Variants in DZIP1 observed in about 807,000 individuals in gnomAD.
The protein encoded by DZIP1 is DAZ interacting zinc finger protein 1, also known as cilium assembly protein DZIP1.
In DZIP1, 97 loss-of-function variants were observed where a neutral mutation model predicts 107.6. The observed-to-expected ratio is 0.90, with a 90% CI of 0.77 to 1.07. DZIP1 has a LOEUF of 1.07. Ranked by LOEUF, DZIP1 falls within the 50% of genes least tolerant of loss-of-function variation. DZIP1 has a pLI of 0.00. For synonymous variants in DZIP1, 390 were observed against 386.4 expected (o/e 1.01, Z -0.11); for missense variants, 1,035 against 1,063.6 (o/e 0.97, Z 0.37).
At chr13:95,611,619 A>T in intron 11 of DZIP1, 126 bp from the exon 12 acceptor site, 1 of 775,006 alleles carries the variant, frequency 1.3e-6, no homozygotes, top group Non-Finnish European at 2.1e-6. Context: ...GACATAGGGC[A>T]TGTGGTCTTT....
chr13:95,585,255 C>G (rs2044130491), intron 21 of DZIP1, among the ~76,000 whole-genome samples: 1 of 152,178 alleles, frequency 6.6e-6, no homozygotes, highest in Admixed American at 6.5e-5. Flanking sequence ...TTGCTTCTTA[C>G]CTCTGTGATA....
intron 10 of DZIP1, among the ~76,000 whole-genome samples, chr13:95,616,830 T>A (rs564643756): frequency 6.6e-6 from 1 of 152,020 alleles, no homozygotes; most frequent in East Asian, 1.9e-4. Flanking sequence ...GGAGACGCAA[T>A]AGCAGTCCCA....
intron 10 of DZIP1, among the ~76,000 whole-genome samples, chr13:95,615,970 A>T (rs1031219243): frequency 1.3e-5 from 2 of 152,252 alleles, no homozygotes; most frequent in African/African-American, 4.8e-5. Context: ...TTTCAAAAAA[A>T]ACACCCTGAT....
intron 16 of DZIP1, 65 bp from the exon 17 acceptor site, chr13:95,590,506 A>G: frequency 6.7e-7 from 1 of 1,481,734 alleles, no homozygotes; most frequent in Non-Finnish European, 9.1e-7. Flanking sequence ...GGCATATATC[A>G]GCATTAACTG....
At chr13:95,638,150 C>T (rs529401625) in intron 5 of DZIP1, among the ~76,000 whole-genome samples, 9 of 136,980 alleles carry the variant, frequency 6.6e-5, no homozygotes, top group Non-Finnish European at 9.1e-5. Context: ...AGAGCAATGG[C>T]GTGATCCCAG....
intron 15 of DZIP1, 75 bp downstream of exon 15, chr13:95,599,290 C>T (rs2044545741): frequency 2.3e-6 from 3 of 1,308,308 alleles, no homozygotes; most frequent in Non-Finnish European, 3.3e-6. Context: ...AAACCACTGG[C>T]TCATATTTTC....
intron 10 of DZIP1, among the ~76,000 whole-genome samples, chr13:95,617,133 C>T (rs1226694328): frequency 2.6e-5 from 4 of 151,786 alleles, no homozygotes; most frequent in Non-Finnish European, 5.9e-5. Context: ...ACCCAGGAAG[C>T]GGAGGTTGCA....
chr13:95,597,801 C>T (rs1275350783), intron 15 of DZIP1, among the ~76,000 whole-genome samples: 1 of 152,168 alleles, frequency 6.6e-6, no homozygotes, highest in African/African-American at 2.4e-5. Flanking sequence ...GACTTTATCA[C>T]CTAGTGATAG....
rs1441141848 is a variant in DZIP1 at position 95,583,192 on chromosome 13, T to G, written c.2525-879A>C. Among the ~76,000 whole-genome samples the G allele has an allele frequency of 2.0e-5, 3 of 150,782 alleles. No individual in the cohort carries two copies. The East Asian group carries it at 5.8e-4, about 29-fold the overall frequency. On this transcript the variant is annotated intron_variant, in intron 22 of 22. Coordinates refer to ENST00000376829, the MANE Select transcript of DZIP1 (RefSeq NM_198968.4). ...CTGTAATCCCAACAGTTTGGGAGGCTGGGGTGGGAGGATCATTTGAGCCCA... is the reference window on the plus strand; with the variant it reads ...CTGTAATCCCAACAGTTTGGGAGGCGGGGGTGGGAGGATCATTTGAGCCCA...
At chr13:95,608,113 C>T (rs1373923327) in intron 13 of DZIP1, among the ~76,000 whole-genome samples, 1 of 152,120 alleles carries the variant, frequency 6.6e-6, no homozygotes, top group African/African-American at 2.4e-5. Flanking sequence ...TGGGACAAGC[C>T]AGGGCCTCAC....
At chr13:95,630,700 G>A (rs1466808598) in intron 6 of DZIP1, 3 of 1,244,694 alleles carry the variant, frequency 2.4e-6, no homozygotes, top group African/African-American at 1.6e-5. Flanking sequence ...GAATACTTAT[G>A]TACATGTACT....
intron 10 of DZIP1, among the ~76,000 whole-genome samples, chr13:95,614,649 C>T (rs1222064675): frequency 6.6e-6 from 1 of 152,006 alleles, no homozygotes; most frequent in Non-Finnish European, 1.5e-5. Context: ...GCTCATGAGC[C>T]CATTTTCTGT....
At position 95,606,016 on chromosome 13, in the gene DZIP1, C is replaced by A. The variant is rs1389348564; in HGVS notation, c.1464G>T (p.Leu488=). ...ACTGAAACTTACCATGCACCATTGG[C>A]AGACTTGATTTAGTTTCCAAAGTGT... ...ALHTLETKSS[L]PMVHEQAFSS... is the part of the protein sequence containing the mutation. The change falls in exon 14 of 23, where the codon CTG becomes CTT. Residue 488 remains leucine (L), a synonymous_variant. Coordinates refer to ENST00000376829, the MANE Select transcript of DZIP1 (RefSeq NM_198968.4). The A allele has an allele frequency of 6.2e-7, 1 of 1,613,846 alleles. No homozygotes were observed. The highest frequency in any genetic ancestry group is 8.5e-7 in the Non-Finnish European group (1 of 1,179,914).
At chr13:95,624,337 G>A (rs1876271166) in intron 8 of DZIP1, among the ~76,000 whole-genome samples, 1 of 152,176 alleles carries the variant, frequency 6.6e-6, no homozygotes, top group Non-Finnish European at 1.5e-5. Flanking sequence ...GGCTCACTTA[G>A]CCATAACTTG....
At chr13:95,613,811 T>A (rs1434693613) in intron 10 of DZIP1, among the ~76,000 whole-genome samples, 4 of 152,150 alleles carry the variant, frequency 2.6e-5, no homozygotes, top group Non-Finnish European at 5.9e-5. Flanking sequence ...TGGCTCTAAT[T>A]GAGACAGCCG....
intron 14 of DZIP1, 23 bp from the exon 15 acceptor site, chr13:95,599,447 A>G: frequency 1.3e-6 from 2 of 1,580,250 alleles, no homozygotes; most frequent in Non-Finnish European, 1.7e-6. Context: ...AAAAATAAGA[A>G]CAGTACAAAC....
In DZIP1 at chr13:95,641,387, C is replaced by T. The variant is rs1878469020; in HGVS notation, c.505G>A (p.Glu169Lys). 2 of 1,613,952 alleles carry T rather than the reference C, an allele frequency of 1.2e-6. No homozygotes were observed. Among genetic ancestry groups the T allele is most frequent in the African/African-American group, 1.3e-5 (1 of 74,924 alleles). The change falls in exon 5 of 23, where the codon GAG (glutamate) becomes AAG (lysine). Residue 169 changes from glutamate (E) to lysine (K), a missense_variant. Glu to Lys is a moderately conservative substitution (Grantham distance 56). Transcript: ENST00000376829. The surrounding 1 kb of genome is among the most constrained non-coding windows in gnomAD (Gnocchi z 4.3). ...SKKLLTKQAG[E>K]IKTLKEECKR... ...CACTCTTCCTTGAGCGTCTTGATCT[C>T]CCCCGCCTGCTTGGTGAGCAGCTTC... is the stretch of plus-strand genomic sequence containing the variant.
intron 8 of DZIP1, among the ~76,000 whole-genome samples, chr13:95,623,664 G>A (rs926250693): frequency 1.1e-4 from 16 of 152,120 alleles, no homozygotes; most frequent in Non-Finnish European, 2.4e-4. Context: ...AAACTGGCTG[G>A]GCACAGTGGC....
In DZIP1 at chr13:95,641,433, G is replaced by A; in HGVS notation, c.459C>T (p.His153=). Residue 153 remains histidine (H), a synonymous_variant, in exon 5 of 23, where the codon CAC becomes CAT. Transcript: ENST00000376829. This position sits in a 1 kb window ranked among gnomAD's most constrained non-coding sequence, Gnocchi z 4.3. ...GCTTCTTGCTCTGCTCGCCGTCGCA[G>A]TGGCTCAGGCGCAGCCGCTCCTCCA... ...HTLEERLRLS[H]CDGEQSKKLL... 1.9e-6 allele frequency: 3 copies of A among 1,614,192 alleles called. No individual in the cohort carries two copies. In the South Asian group the frequency reaches 3.3e-5, roughly 18 times the overall value.
Sources: gnomAD v4.1 joint callset for allele counts (sites outside exome capture counted in the v4.1 genomes callset) on GRCh38, gnomAD v4.1.1 for gene constraint, Gnocchi (gnomAD v3.1) non-coding constraint, MANE v1.5 for transcripts, NCBI Gene and HGNC (gene_info 2026-07-23, HGNC 2026-07-21) for gene names.